The following ELF3 variants were observed in gnomAD, a reference collection of about 807,000 sequenced individuals.
The protein encoded by ELF3 is ETS-related transcription factor Elf-3.
In ELF3, 18 loss-of-function variants were observed where a neutral mutation model predicts 43.9. That is an observed-to-expected ratio of 0.41 (90% CI 0.28 to 0.61). The LOEUF (loss-of-function observed/expected upper bound fraction) is 0.61, where lower values mean the gene tolerates loss of function less well. Ranked by LOEUF, ELF3 falls within the 20% of genes least tolerant of loss-of-function variation. The pLI is 0.30. For synonymous variants in ELF3, 181 were observed against 190.2 expected (o/e 0.95, Z 0.40); for missense variants, 373 against 487.7 (o/e 0.76, Z 2.21).
intron 2 of ELF3, chr1:202,011,737 C>A (rs1035635097): frequency 2.1e-5 from 12 of 571,208 alleles, no homozygotes; most frequent in Middle Eastern, 4.6e-4. Context: ...TTTATCCCAG[C>A]GTGGTGGTGG....
At position 202,012,984 on chromosome 1, in the gene ELF3, C is replaced by T. The variant is rs148651345; in HGVS notation, c.636C>T (p.Ser212=). The T allele has an allele frequency of 1.1e-4, 183 of 1,613,630 alleles. No homozygotes were observed. Among genetic ancestry groups the T allele is most frequent in the Middle Eastern group, 4.9e-4 (3 of 6,080 alleles). The change falls in exon 6 of 9, where the codon TCC becomes TCT. Residue 212 remains serine, a synonymous_variant. Coordinates refer to ENST00000367284, the MANE Select transcript of ELF3 (RefSeq NM_004433.5). The surrounding 1 kb of genome is among the most constrained non-coding windows in gnomAD (Gnocchi z 4.2). ...CTCGGAGCTCCCACTCCTCAGACTC[C>T]GGTGGAAGTGACGTGGACCTGGATC... The part of the protein sequence containing the change: ...GASRSSHSSD[S]GGSDVDLDPT...
intron 8 of ELF3, among the ~76,000 whole-genome samples, chr1:202,014,316 G>A (rs1013426921): frequency 2.0e-5 from 3 of 152,216 alleles, no homozygotes; most frequent in Admixed American, 1.3e-4. Context: ...GGCAGGAGCC[G>A]TGCCCACCCA....
chr1:202,012,609 C>A lies in ELF3; in HGVS notation c.479-31C>A. On this transcript the variant is annotated intron_variant, in intron 4 of 8. Transcript: ENST00000367284. This position sits in a 1 kb window ranked among gnomAD's most constrained non-coding sequence, Gnocchi z 4.2. Reference sequence around the variant, plus strand: ...ACCTGTCCTGGTCTGGTCCCCTGAGCCCTCTCTGAGTTCTCACCTCCTCTT... The same window carrying A: ...ACCTGTCCTGGTCTGGTCCCCTGAGACCTCTCTGAGTTCTCACCTCCTCTT... The A allele has an allele frequency of 6.4e-7, 1 of 1,559,620 alleles. No homozygotes were observed. Among genetic ancestry groups the A allele is most frequent in the African/African-American group, 1.4e-5 (1 of 73,452 alleles).
Position 202,011,986 on chromosome 1 carries a change from C to G in ELF3, c.193C>G (p.Gln65Glu). The G allele has an allele frequency of 6.2e-7, 1 of 1,614,118 alleles. No homozygotes were observed. The highest frequency in any genetic ancestry group is 1.3e-5 in the African/African-American group (1 of 75,062). Residue 65 changes from glutamine to glutamate, a missense_variant, in exon 3 of 9, where the codon CAG becomes GAG. By Grantham distance (29) the Gln-to-Glu change is conservative. Around this residue, in one of 3 missense-constraint regions of ELF3, gnomAD observed 311 missense variants for 351.2 expected, o/e 0.89. Coordinates refer to ENST00000367284, the MANE Select transcript of ELF3 (RefSeq NM_004433.5). ...EKASWLGEQP[Q>E]FWSKTQVLDW... is the part of the protein sequence containing the mutation. The stretch of plus-strand genomic sequence containing the variant: ...GGCCAGCTGGTTGGGGGAACAGCCC[C>G]AGTTCTGGTCGAAGACGCAGGTTCT...
rs1481551415 is a variant in ELF3, at chr1:202,013,054, C to T, written c.688+18C>T. Reference sequence around the variant, plus strand: ...CCCCAGCGGTGAGTCGAGGGAGGTCCCCAAGAGGGCGTCCCATTTAGCAAT... The same window carrying T: ...CCCCAGCGGTGAGTCGAGGGAGGTCTCCAAGAGGGCGTCCCATTTAGCAAT... On this transcript the variant is annotated intron_variant, in intron 6 of 8. Coordinates refer to ENST00000367284, the MANE Select transcript of ELF3 (RefSeq NM_004433.5). This position sits in a 1 kb window ranked among gnomAD's most constrained non-coding sequence, Gnocchi z 5.7. The T allele has an allele frequency of 6.2e-7, 1 of 1,608,666 alleles. No individual in the cohort carries two copies. Among genetic ancestry groups the T allele is most frequent in the Non-Finnish European group, 8.5e-7 (1 of 1,177,436 alleles).
At position 202,013,084 on chromosome 1, in the gene ELF3, A is replaced by G; in HGVS notation, c.688+48A>G. 1 of 1,602,340 alleles carries G rather than the reference A, an allele frequency of 6.2e-7. No homozygotes were observed. Among genetic ancestry groups the G allele is most frequent in the Non-Finnish European group, 8.5e-7 (1 of 1,173,910 alleles). ...GAGGGCGTCCCATTTAGCAATGCACAGGGGGCCCGGCTCTTCCTGCAGCCT... is the reference window on the plus strand; with the variant it reads ...GAGGGCGTCCCATTTAGCAATGCACGGGGGGCCCGGCTCTTCCTGCAGCCT... On this transcript the variant is annotated intron_variant, in intron 6 of 8. Coordinates refer to ENST00000367284, the MANE Select transcript of ELF3 (RefSeq NM_004433.5). This position sits in a 1 kb window ranked among gnomAD's most constrained non-coding sequence, Gnocchi z 5.7.
Position 202,012,090 on chromosome 1 carries a change from CGCCACCCTCTGCAATTGT to C in ELF3, c.301_318del (p.Thr101_Ala106del), listed in dbSNP as rs1316651450. 6.2e-7 allele frequency: 1 copy of C among 1,613,848 alleles called. No individual in the cohort carries two copies. Among genetic ancestry groups the C allele is most frequent in the Non-Finnish European group, 8.5e-7 (1 of 1,180,002 alleles). ...ACTTCTCACGATGTGACATGGATGG[CGCCACCCTCTGCAATTGT>C]GCCCTTGAGGAGCTGCGTCTGGTCT... is the stretch of plus-strand genomic sequence containing the variant. On this transcript the variant is annotated inframe_deletion, in exon 3 of 9. Coordinates refer to ENST00000367284, the MANE Select transcript of ELF3 (RefSeq NM_004433.5). The surrounding 1 kb of genome is among the most constrained non-coding windows in gnomAD (Gnocchi z 4.2).
Position 202,013,201 on chromosome 1 carries a change from G to A in ELF3, c.708G>A (p.Lys236=). Residue 236 remains lysine (K), a synonymous_variant, in exon 7 of 9, where the codon AAG becomes AAA. Coordinates refer to ENST00000367284, the MANE Select transcript of ELF3 (RefSeq NM_004433.5). This position sits in a 1 kb window ranked among gnomAD's most constrained non-coding sequence, Gnocchi z 5.7. ...CCACAGATGGTTTTCGTGACTGCAA[G>A]AAGGGGGATCCCAAGCACGGGAAGC... The part of the protein sequence containing the change: ...LFPSDGFRDC[K]KGDPKHGKRK... 2 of 1,614,132 alleles carry A rather than the reference G, an allele frequency of 1.2e-6. No homozygotes were observed. Among genetic ancestry groups the A allele is most frequent in the Non-Finnish European group, 1.7e-6 (2 of 1,180,012 alleles).
Position 202,013,385 on chromosome 1 carries a change from C to A in ELF3, c.805+87C>A. 1 of 1,378,762 alleles carries A rather than the reference C, an allele frequency of 7.3e-7. No individual in the cohort carries two copies. The highest frequency in any genetic ancestry group is 1.0e-6 in the Non-Finnish European group (1 of 987,112). 85.4% of individuals were successfully genotyped at this position (1,378,762 alleles called of 1,614,324 possible). On this transcript the variant is annotated intron_variant, in intron 7 of 8. Transcript: ENST00000367284. The surrounding 1 kb of genome is among the most constrained non-coding windows in gnomAD (Gnocchi z 5.7). ...CGGGTTGTTGCAGGTATCCCTTCTC[C>A]CGTTTTCTCTGGCCTCCGCATGGCC...
At chr1:202,015,133 G>A (rs1156405192) in intron 8 of ELF3, 76 bp from the exon 9 acceptor site, 117 of 1,489,632 alleles carry the variant, frequency 7.9e-5, no homozygotes, top group Non-Finnish European at 9.8e-5. Flanking sequence ...GGGGTAACGC[G>A]GGCCAGGTGG....
At chr1:202,014,344 C>T (rs1684272373) in intron 8 of ELF3, among the ~76,000 whole-genome samples, 1 of 152,232 alleles carries the variant, frequency 6.6e-6, no homozygotes. Flanking sequence ...GCTTTCTCCT[C>T]GTTGAAGCAC....
At chr1:202,014,714 T>G (rs1205615050) in intron 8 of ELF3, among the ~76,000 whole-genome samples, 1 of 152,206 alleles carries the variant, frequency 6.6e-6, no homozygotes, top group Non-Finnish European at 1.5e-5. Context: ...TTCAAGTGAT[T>G]CTTGTGCCTC....
At chr1:202,015,089 A>G in intron 8 of ELF3, 120 bp from the exon 9 acceptor site, 1 of 873,308 alleles carries the variant, frequency 1.1e-6, no homozygotes, top group Non-Finnish European at 1.9e-6. Context: ...GGCTCAGCTT[A>G]GTCAGGCAGA....
Position 202,010,874 on chromosome 1 carries a change from A to C in ELF3, c.-9+168A>C. ...GAGAGATTGTCTCTGGGAAGGCAGA[A>C]TGGCCATGACGCCGCTAGTCTGGCT... is the stretch of plus-strand genomic sequence containing the variant. On this transcript the variant is annotated intron_variant, in intron 1 of 8. Transcript: ENST00000367284. The surrounding 1 kb of genome is among the most constrained non-coding windows in gnomAD (Gnocchi z 4.3). 1 of 480,904 alleles carries C rather than the reference A, an allele frequency of 2.1e-6. No individual in the cohort carries two copies. Among genetic ancestry groups the C allele is most frequent in the Non-Finnish European group, 3.7e-6 (1 of 268,256 alleles). The allele number at this position is 480,904 out of a possible 1,614,324, so 29.8% of individuals were successfully genotyped here. A position where few individuals can be genotyped will look rare whatever the true frequency, so the allele number is the denominator to read the frequency against.
Position 202,012,969 on chromosome 1 carries a change from C to G in ELF3, c.621C>G (p.Ser207=). 1 of 1,613,332 alleles carries G rather than the reference C, an allele frequency of 6.2e-7. No homozygotes were observed. The highest frequency in any genetic ancestry group is 8.5e-7 in the Non-Finnish European group (1 of 1,179,614). Residue 207 remains serine, a synonymous_variant, in exon 6 of 9, where the codon TCC becomes TCG. Coordinates refer to ENST00000367284, the MANE Select transcript of ELF3 (RefSeq NM_004433.5). The surrounding 1 kb of genome is among the most constrained non-coding windows in gnomAD (Gnocchi z 4.2). ...STAGTGASRS[S]HSSDSGGSDV... ...CAGGGACTGGTGCTTCTCGGAGCTCCCACTCCTCAGACTCCGGTGGAAGTG... is the reference window on the plus strand; with the variant it reads ...CAGGGACTGGTGCTTCTCGGAGCTCGCACTCCTCAGACTCCGGTGGAAGTG...
Position 202,012,585 on chromosome 1 carries a change from C to T in ELF3, c.479-55C>T, listed in dbSNP as rs1268486550. 4 of 1,554,458 alleles carry T rather than the reference C, an allele frequency of 2.6e-6. No homozygotes were observed. Among genetic ancestry groups the T allele is most frequent in the East Asian group, 2.3e-5 (1 of 44,370 alleles). On this transcript the variant is annotated intron_variant, in intron 4 of 8. Transcript: ENST00000367284. This position sits in a 1 kb window ranked among gnomAD's most constrained non-coding sequence, Gnocchi z 4.2. ...GTCATCAGACCCATGGGCAGCATCA[C>T]CTGTCCTGGTCTGGTCCCCTGAGCC... is the stretch of plus-strand genomic sequence containing the variant.
rs11543979 is a variant in ELF3, at chr1:202,012,090, C to G, written c.297C>G (p.Gly99=). 0.23 allele frequency: 376,889 copies of G among 1,613,936 alleles called. 47,233 individuals are homozygous for G. Among genetic ancestry groups the G allele is most frequent in the African/African-American group, 0.46 (34,848 of 74,970 alleles). ...ACTTCTCACGATGTGACATGGATGG[C>G]GCCACCCTCTGCAATTGTGCCCTTG... ...AIDFSRCDMD[G]ATLCNCALEE... The change falls in exon 3 of 9, where the codon GGC becomes GGG. Residue 99 remains glycine (G), a synonymous_variant. Coordinates refer to ENST00000367284, the MANE Select transcript of ELF3 (RefSeq NM_004433.5). This position sits in a 1 kb window ranked among gnomAD's most constrained non-coding sequence, Gnocchi z 4.2.
chr1:202,015,112 TG>T, intron 8 of ELF3, 96 bp from the exon 9 acceptor site: 2 of 1,220,304 alleles, frequency 1.6e-6, no homozygotes, highest in Non-Finnish European at 1.2e-6. Flanking sequence ...CCAGTGGGCA[TG>T]GGTTACCTGG....
chr1:202,012,252 C>T lies in ELF3; in HGVS notation c.385+74C>T, dbSNP rs1684218565. 1 of 1,605,468 alleles carries T rather than the reference C, an allele frequency of 6.2e-7. No individual in the cohort carries two copies. On this transcript the variant is annotated intron_variant, in intron 3 of 8. Transcript: ENST00000367284. This position sits in a 1 kb window ranked among gnomAD's most constrained non-coding sequence, Gnocchi z 4.2. ...GAGTCGAGTTCAGTGTGGCCGTAGG[C>T]AGGCCCTGGAGCTCTGGGCCAGCTG...
Sources: gnomAD v4.1 joint callset for allele counts (sites outside exome capture counted in the v4.1 genomes callset) on GRCh38, gnomAD v4.1.1 for gene constraint, gnomAD v4.1.1 regional missense constraint, Gnocchi (gnomAD v3.1) non-coding constraint, MANE v1.5 for transcripts, NCBI Gene and HGNC (gene_info 2026-07-23, HGNC 2026-07-21) for gene names.